ANK3: variants seen among roughly 807,000 people sequenced by gnomAD.
The protein encoded by ANK3 is ankyrin 3.
ANK3 carries 57 observed loss-of-function variants against 370.9 expected under a neutral mutation model. The ratio of observed to expected loss-of-function variants is 0.15; its 90% CI spans 0.12 to 0.19. The LOEUF is 0.19. ANK3 is among the 10% of genes least tolerant of loss of function. ANK3 has a pLI of 1.00. For synonymous variants in ANK3, 1,929 were observed against 1,946.3 expected (o/e 0.99, Z 0.23); for missense variants, 4,439 against 5,302.1 (o/e 0.84, Z 5.06).
chr10:60,100,311 G>A (rs1202985598), intron 28 of ANK3, among the ~76,000 whole-genome samples: 2 of 122,964 alleles, frequency 1.6e-5, no homozygotes, highest in South Asian at 2.5e-4. Context: ...CTCTCCTTGG[G>A]AATTTTTCAA....
chr10:60,072,423 C>T lies in ANK3; in HGVS notation c.8458G>A (p.Ala2820Thr), dbSNP rs1452344286. Reference protein sequence around the residue: ...KKQRTEMSSKAMPDSFSEQQA... With the variant: ...KKQRTEMSSKTMPDSFSEQQA... ...TGCTCAGAAAAAGAGTCAGGCATTGCTTTACTTGACATTTCAGTTCTCTGT... is the reference window on the plus strand; with the variant it reads ...TGCTCAGAAAAAGAGTCAGGCATTGTTTTACTTGACATTTCAGTTCTCTGT... Residue 2820 changes from alanine (A) to threonine (T), a missense_variant, in exon 37 of 44, where the codon GCA becomes ACA. Coordinates refer to ENST00000280772, the MANE Select transcript of ANK3 (RefSeq NM_020987.5). The T allele has an allele frequency of 1.7e-5, 28 of 1,613,908 alleles. No homozygotes were observed. Among genetic ancestry groups the T allele is most frequent in the Non-Finnish European group, 2.3e-5 (27 of 1,180,000 alleles).
At chr10:60,348,177 C>T (rs182162698) in intron 1 of ANK3, among the ~76,000 whole-genome samples, 75 of 152,196 alleles carry the variant, frequency 4.9e-4, no homozygotes, top group Non-Finnish European at 9.7e-4. Context: ...GCTCCTCCAT[C>T]TTGCCTCTGC....
chr10:60,241,826 G>A (rs942474688), intron 7 of ANK3, among the ~76,000 whole-genome samples: 1 of 151,958 alleles, frequency 6.6e-6, no homozygotes, highest in African/African-American at 2.4e-5. Flanking sequence ...ACATGTATAC[G>A]CAGATGCATT....
intron 1 of ANK3, among the ~76,000 whole-genome samples, chr10:60,312,105 G>A (rs2046468544): frequency 6.6e-6 from 1 of 152,180 alleles, no homozygotes; most frequent in Admixed American, 6.5e-5. Context: ...ACTTGAGCTG[G>A]TTTTTGAGAG....
intron 42 of ANK3, among the ~76,000 whole-genome samples, chr10:60,053,912 A>G (rs2078604016): frequency 6.6e-6 from 1 of 152,162 alleles, no homozygotes; most frequent in Non-Finnish European, 1.5e-5. Flanking sequence ...TAGGTCATGA[A>G]GTCTTTCTGC....
intron 4 of ANK3, among the ~76,000 whole-genome samples, chr10:60,271,279 A>G (rs2097978152): frequency 6.6e-6 from 1 of 152,136 alleles, no homozygotes. Flanking sequence ...GTCACAGCTC[A>G]CTGCAGCCTT....
chr10:60,114,733 G>A (rs2092962949), intron 25 of ANK3, among the ~76,000 whole-genome samples: 1 of 152,164 alleles, frequency 6.6e-6, no homozygotes, highest in African/African-American at 2.4e-5. Flanking sequence ...TCCAAGTGGG[G>A]CGGAGTAGCT....
chr10:60,299,820 T>C (rs2043298055), intron 1 of ANK3, among the ~76,000 whole-genome samples: 2 of 152,240 alleles, frequency 1.3e-5, no homozygotes, highest in African/African-American at 4.8e-5. Flanking sequence ...TTCCAACTTC[T>C]AATTACATCC....
chr10:60,388,349 T>C (rs2062703110), intron 1 of ANK3, among the ~76,000 whole-genome samples: 1 of 152,134 alleles, frequency 6.6e-6, no homozygotes, highest in South Asian at 2.1e-4. Context: ...GTACCAGGAA[T>C]ATTCATGGTC....
rs548025100 is a variant in ANK3, at chr10:60,451,162, G to A, written c.96+164024C>T. On this transcript the variant is annotated intron_variant, in intron 2 of 43. Coordinates refer to the ANK3 transcript ENST00000373827. Reference sequence around the variant, plus strand: ...AACACCGAGGATCCCCAGCCACGCCGGAAGCTAGAGGAGAGGCATGAAAGA... The same window carrying A: ...AACACCGAGGATCCCCAGCCACGCCAGAAGCTAGAGGAGAGGCATGAAAGA... 1.8e-3 allele frequency among the ~76,000 whole-genome samples: 276 copies of A among 152,258 alleles called. 2 individuals are homozygous for A. The highest frequency in any genetic ancestry group is 3.4e-3 in the Non-Finnish European group (229 of 67,998).
At chr10:60,528,129 T>C (rs1299258288) in intron 2 of ANK3, among the ~76,000 whole-genome samples, 1 of 76,354 alleles carries the variant, frequency 1.3e-5, no homozygotes, top group Admixed American at 1.4e-4. Flanking sequence ...TTTTCTTTTC[T>C]TCTTCTTCTT....
Position 60,073,939 on chromosome 10 carries a change from C to A in ANK3, c.6942G>T (p.Gln2314His). 1.9e-6 allele frequency: 3 copies of A among 1,614,024 alleles called. No homozygotes were observed. Among genetic ancestry groups the A allele is most frequent in the Non-Finnish European group, 2.5e-6 (3 of 1,179,990 alleles). The change falls in exon 37 of 44, where the codon CAG becomes CAT. Residue 2314 changes from glutamine to histidine, a missense_variant. Gln to His is a conservative substitution (Grantham distance 24). Coordinates refer to ENST00000280772, the MANE Select transcript of ANK3 (RefSeq NM_020987.5). ...VHKSAAETSA[Q>H]HAEKDNQMKP... is the part of the protein sequence containing the mutation. ...TCATTTGGTTGTCCTTCTCTGCATG[C>A]TGGGCTGAGGTTTCAGCAGCAGACT...
chr10:60,310,194 G>T (rs1290673718), intron 1 of ANK3, among the ~76,000 whole-genome samples: 5 of 151,922 alleles, frequency 3.3e-5, no homozygotes, highest in Non-Finnish European at 5.9e-5. Flanking sequence ...CAGAGTGGTG[G>T]GAATATAGGT....
At chr10:60,648,874 TCCTG>T (rs1219440116) in intron 1 of ANK3, among the ~76,000 whole-genome samples, 8 of 149,742 alleles carry the variant, frequency 5.3e-5, no homozygotes, top group Non-Finnish European at 1.2e-4. Context: ...CTGCTCCTGC[TCCTG>T]CTCCTGCTCC....
In ANK3 at chr10:60,082,938, G is replaced by T. The variant is rs555480601; in HGVS notation, c.4201-201C>A. On this transcript the variant is annotated intron_variant, in intron 33 of 43. Transcript: ENST00000280772. ...AGAGTTAGATGCCCGATTCCTAAAC[G>T]CAGGATTGTTGTGTCTGATGATCTA... Among the ~76,000 whole-genome samples, 5 of 152,278 alleles carry T rather than the reference G, an allele frequency of 3.3e-5. 1 individual carries two copies. The South Asian group carries it at 1.0e-3, about 32-fold the overall frequency.
At chr10:60,240,306 A>T (rs189534099) in intron 7 of ANK3, among the ~76,000 whole-genome samples, 47,573 of 119,580 alleles carry the variant, frequency 0.4, 10,452 homozygotes, top group African/African-American at 0.57. Context: ...ATATATATAT[A>T]TTTTTTTTTC....
At chr10:60,378,422 A>G (rs553434810) in intron 1 of ANK3, among the ~76,000 whole-genome samples, 1 of 152,284 alleles carries the variant, frequency 6.6e-6, no homozygotes, top group African/African-American at 2.4e-5. Flanking sequence ...AAAGCAAAAA[A>G]TTGACACTAT....
At chr10:60,615,390 T>TA (rs60626709) in intron 1 of ANK3, among the ~76,000 whole-genome samples, 20,281 of 145,978 alleles carry the variant, frequency 0.14, 1,644 homozygotes, top group East Asian at 0.27. Flanking sequence ...AATTCTAGTT[T>TA]AAAAAAAAAA....
chr10:60,059,250 TAGA>T, intron 41 of ANK3, 87 bp downstream of exon 41: 6 of 1,115,716 alleles, frequency 5.4e-6, no homozygotes, highest in South Asian at 1.3e-5. Flanking sequence ...AATGGTAATT[TAGA>T]AGAAGTCACC....
Sources: gnomAD v4.1 joint callset for allele counts (sites outside exome capture counted in the v4.1 genomes callset) on GRCh38, gnomAD v4.1.1 for gene constraint, MANE v1.5 for transcripts, NCBI Gene and HGNC (gene_info 2026-07-23, HGNC 2026-07-21) for gene names.